The following ADGRL2 variants were observed in gnomAD, a reference collection of about 807,000 sequenced individuals.
ADGRL2 encodes calcium-independent alpha-latrotoxin receptor 2.
A neutral mutation model predicts 157.4 loss-of-function variants in ADGRL2; 44 were observed. The ratio of observed to expected loss-of-function variants is 0.28; its 90% CI spans 0.22 to 0.36. The LOEUF is 0.36. ADGRL2 is among the 10% of genes least tolerant of loss of function. The pLI is 1.00. For missense variants in ADGRL2, 1,510 were observed against 1,768.9 expected, an observed-to-expected ratio of 0.85 and a Z score of 2.63; for synonymous variants, 585 against 624.7, an observed-to-expected ratio of 0.94 and a Z score of 0.95.
intron 1 of ADGRL2, among the ~76,000 whole-genome samples, chr1:81,348,200 C>T (rs1463179130): frequency 6.6e-6 from 1 of 152,130 alleles, no homozygotes; most frequent in African/African-American, 2.4e-5. Flanking sequence ...TACCCCCAAG[C>T]CTTAACATCT....
chr1:81,695,999 G>A (rs1398105351), upstream of ADGRL2, among the ~76,000 whole-genome samples: 1 of 152,002 alleles, frequency 6.6e-6, no homozygotes, highest in Non-Finnish European at 1.5e-5. Context: ...ATAGAGAAAT[G>A]TAGCTCTCTC....
rs1233448753 is a variant in ADGRL2 at position 81,561,414 on chromosome 1, AT to A, written c.-247-19456del. On this transcript the variant is annotated intron_variant, in intron 2 of 24. Transcript: ENST00000370721. ...CTCTCGCTATAATTTTTTTCTTTCAATTTTTTGTTTTGTTTTGTTTTGTTCT... is the reference window on the plus strand; with the variant it reads ...CTCTCGCTATAATTTTTTTCTTTCAATTTTTGTTTTGTTTTGTTTTGTTCT... 2.9e-4 allele frequency among the ~76,000 whole-genome samples: 37 copies of A among 128,736 alleles called. 1 individual carries two copies. In the South Asian group the frequency reaches 8.3e-3, roughly 29 times the overall value. The allele number at this position is 128,736 out of a possible 152,430, so 84.5% of individuals were successfully genotyped here.
intron 1 of ADGRL2, among the ~76,000 whole-genome samples, chr1:81,317,712 GA>G (rs1204384416): frequency 6.6e-6 from 1 of 152,168 alleles, no homozygotes; most frequent in Admixed American, 6.5e-5. Flanking sequence ...TTGCTGGACT[GA>G]AAATATAACT....
chr1:81,673,550 T>G (rs1267669488), intron 3 of ADGRL2, among the ~76,000 whole-genome samples: 1 of 145,714 alleles, frequency 6.9e-6, no homozygotes, highest in East Asian at 2.0e-4. Context: ...AGTCTCACTC[T>G]GTCGCCCAGA....
rs536483211 is a variant in ADGRL2 at position 81,511,460 on chromosome 1, C to T, written c.-248+66371C>T. 6.0e-5 allele frequency among the ~76,000 whole-genome samples: 9 copies of T among 150,766 alleles called. No individual in the cohort carries two copies. In the South Asian group the frequency reaches 8.4e-4, roughly 14 times the overall value. ...TACAAGAAAACACCAACACCAAAGG[C>T]CAAATACTTCTCAACATACCAACGA... On this transcript the variant is annotated intron_variant, in intron 2 of 24. Transcript: ENST00000370721.
chr1:81,695,194 G>A (rs528893994), upstream of ADGRL2, among the ~76,000 whole-genome samples: 62 of 151,828 alleles, frequency 4.1e-4, no homozygotes, highest in Middle Eastern at 3.4e-3. Flanking sequence ...ATAACATACC[G>A]TCCTTTAATT....
chr1:81,778,818 T>C (rs116676255), intron 2 of ADGRL2, among the ~76,000 whole-genome samples: 3 of 152,338 alleles, frequency 2.0e-5, no homozygotes, highest in Admixed American at 6.5e-5. Flanking sequence ...CAGTAGGGCA[T>C]ACAGGTGAAG....
intron 19 of ADGRL2, among the ~76,000 whole-genome samples, chr1:81,982,587 C>T (rs1661979472): frequency 6.6e-6 from 1 of 151,908 alleles, no homozygotes; most frequent in Non-Finnish European, 1.5e-5. Context: ...CCATACCTTT[C>T]ACTGGGTATC....
intron 2 of ADGRL2, among the ~76,000 whole-genome samples, chr1:81,791,066 C>CAA (rs11411906): frequency 0.3 from 11,101 of 37,412 alleles, 3,193 homozygotes; most frequent in Non-Finnish European, 0.34. Flanking sequence ...GACCCTATCT[C>CAA]AAAAAAAAAA....
chr1:81,967,113 A>G (rs954198863), intron 13 of ADGRL2, among the ~76,000 whole-genome samples: 3 of 152,198 alleles, frequency 2.0e-5, no homozygotes, highest in Admixed American at 6.5e-5. Context: ...ACGTAACTAC[A>G]CTGTATTGGA....
chr1:81,905,247 G>A (rs188463808), intron 2 of ADGRL2, among the ~76,000 whole-genome samples: 5 of 151,770 alleles, frequency 3.3e-5, no homozygotes, highest in African/African-American at 7.3e-5. Flanking sequence ...ACAGGCATGC[G>A]CCACCACACC....
chr1:81,809,477 A>G (rs1427048759), intron 1 of ADGRL2, among the ~76,000 whole-genome samples: 2 of 151,970 alleles, frequency 1.3e-5, no homozygotes, highest in Non-Finnish European at 2.9e-5. Context: ...AGATGGGAGA[A>G]GTTGAAAAGA....
chr1:81,957,250 C>T (rs189691817), intron 11 of ADGRL2, among the ~76,000 whole-genome samples: 23 of 150,304 alleles, frequency 1.5e-4, no homozygotes, highest in Non-Finnish European at 3.1e-4. Flanking sequence ...ATTTCATGGG[C>T]TGGGTTCACA....
chr1:81,543,850 T>A (rs1461240315), intron 2 of ADGRL2, among the ~76,000 whole-genome samples: 2 of 152,184 alleles, frequency 1.3e-5, no homozygotes, highest in Non-Finnish European at 2.9e-5. Context: ...CTCATCTCCT[T>A]TTGCCTGCTC....
At chr1:81,664,012 T>C (rs538125) in intron 3 of ADGRL2, among the ~76,000 whole-genome samples, 152,276 of 152,278 alleles carry the variant, frequency 1, 76,137 homozygotes, top group Middle Eastern at 1. Context: ...TACTGTATAT[T>C]CTGCTGCCCT....
chr1:81,908,764 T>C (rs2094640687), intron 3 of ADGRL2, among the ~76,000 whole-genome samples: 1 of 152,204 alleles, frequency 6.6e-6, no homozygotes, highest in Non-Finnish European at 1.5e-5. Context: ...ATTAAGTGTG[T>C]ATTGCTGTCT....
intron 3 of ADGRL2, among the ~76,000 whole-genome samples, chr1:81,913,817 C>CTT (rs1263897710): frequency 2.6e-5 from 4 of 152,084 alleles, no homozygotes; most frequent in African/African-American, 9.7e-5. Context: ...AACCTCAAAT[C>CTT]GCCTGTACCT....
rs185078422 is a variant in ADGRL2 at position 81,646,743 on chromosome 1, A to G, written c.-143+65763A>G. Among the ~76,000 whole-genome samples the G allele has an allele frequency of 1.8e-3, 272 of 152,314 alleles. 1 individual carries two copies. Among genetic ancestry groups the G allele is most frequent in the African/African-American group, 6.3e-3 (260 of 41,588 alleles). On this transcript the variant is annotated intron_variant, in intron 3 of 24. Coordinates refer to the ADGRL2 transcript ENST00000370721. ...TTCCTATTTTTTCATCAGCAAATATATTGCCTCTGAGGAAGGTCTTTGAGA... is the reference window on the plus strand; with the variant it reads ...TTCCTATTTTTTCATCAGCAAATATGTTGCCTCTGAGGAAGGTCTTTGAGA...
intron 2 of ADGRL2, among the ~76,000 whole-genome samples, chr1:81,553,211 TC>T (rs1489597379): frequency 2.6e-5 from 4 of 152,200 alleles, no homozygotes; most frequent in African/African-American, 4.8e-5. Flanking sequence ...AAATTAAATA[TC>T]AAATCTTGAT....
Sources: gnomAD v4.1 joint callset for allele counts (sites outside exome capture counted in the v4.1 genomes callset) on GRCh38, gnomAD v4.1.1 for gene constraint, MANE v1.5 for transcripts, NCBI Gene and HGNC (gene_info 2026-07-23, HGNC 2026-07-21) for gene names.